The following EDARADD variants were observed in gnomAD, a reference collection of about 807,000 sequenced individuals.
The protein encoded by EDARADD is EDAR associated via death domain.
Under a neutral mutation model 25.6 loss-of-function variants are expected in EDARADD, and 20 were observed. The observed-to-expected ratio is 0.78, with a 90% confidence interval of 0.55 to 1.14. The LOEUF is 1.14. Among genes scored for constraint, EDARADD ranks in the 50% most tolerant of loss-of-function variants. The probability of loss-of-function intolerance (pLI) is 0.00; values close to 1 mark genes in which losing one functional copy is unlikely to be tolerated. For missense variants in EDARADD, 225 were observed against 270.1 expected, an observed-to-expected ratio of 0.83 and a Z score of 1.17; for synonymous variants, 86 against 94.4, an observed-to-expected ratio of 0.91 and a Z score of 0.52.
chr1:236,449,184 C>T (rs771724841), intron 4 of EDARADD, among the ~76,000 whole-genome samples: 2 of 152,156 alleles, frequency 1.3e-5, no homozygotes, highest in Non-Finnish European at 2.9e-5. Flanking sequence ...CCAAATGTCC[C>T]GATTTTATAA....
At chr1:236,364,424 C>T (rs1225279811) in intron 3 of EDARADD, among the ~76,000 whole-genome samples, 1 of 151,996 alleles carries the variant, frequency 6.6e-6, no homozygotes, top group Non-Finnish European at 1.5e-5. Flanking sequence ...TTCTCAATTT[C>T]CACAAAAAAA....
chr1:236,443,208 C>G (rs1658448705), intron 4 of EDARADD, among the ~76,000 whole-genome samples: 1 of 152,160 alleles, frequency 6.6e-6, no homozygotes, highest in African/African-American at 2.4e-5. Flanking sequence ...AATTCCTTTT[C>G]TTTATAAGTT....
At chr1:236,414,383 T>C in intron 3 of EDARADD, 84 bp downstream of exon 3, 2 of 1,129,548 alleles carry the variant, frequency 1.8e-6, no homozygotes, top group Non-Finnish European at 2.7e-6. Context: ...TTTTTCATTA[T>C]TTAAAATTGT....
intron 3 of EDARADD, among the ~76,000 whole-genome samples, chr1:236,351,976 G>T (rs777755504): frequency 6.6e-6 from 1 of 152,050 alleles, no homozygotes; most frequent in Admixed American, 6.6e-5. Flanking sequence ...CTGTCATGGC[G>T]CTGGGGGGTG....
chr1:236,464,136 C>G (rs1659116170), intron 4 of EDARADD, among the ~76,000 whole-genome samples: 1 of 152,200 alleles, frequency 6.6e-6, no homozygotes, highest in Non-Finnish European at 1.5e-5. Context: ...CACTGCCCAC[C>G]TGGTATCAGC....
In EDARADD at chr1:236,482,412, A is replaced by G; in HGVS notation, c.411A>G (p.Lys137=). The change falls in exon 6 of 6, where the codon AAA becomes AAG. Residue 137 remains lysine (K), a synonymous_variant. Coordinates refer to ENST00000334232, the MANE Select transcript of EDARADD (RefSeq NM_145861.4). ...IKLDPCHPTV[K]NWRNFASKWG... ...TGGATCCGTGTCACCCAACGGTGAA[A>G]AACTGGAGGAATTTTGCAAGCAAAT... The G allele has an allele frequency of 6.2e-7, 1 of 1,614,170 alleles. No individual in the cohort carries two copies. The highest frequency in any genetic ancestry group is 1.1e-5 in the South Asian group (1 of 91,086).
At chr1:236,470,051 C>T (rs1464326747) in intron 5 of EDARADD, among the ~76,000 whole-genome samples, 3 of 152,174 alleles carry the variant, frequency 2.0e-5, no homozygotes, top group Non-Finnish European at 4.4e-5. Flanking sequence ...CCCACCTCAG[C>T]CATCCAAAGT....
chr1:236,453,368 C>T (rs1320369285), intron 4 of EDARADD, among the ~76,000 whole-genome samples: 1 of 151,650 alleles, frequency 6.6e-6, no homozygotes, highest in Non-Finnish European at 1.5e-5. Flanking sequence ...CCTCCACCTC[C>T]CAGGTTCAAG....
At chr1:236,413,213 G>A (rs1338320322) in intron 2 of EDARADD, among the ~76,000 whole-genome samples, 6 of 152,166 alleles carry the variant, frequency 3.9e-5, no homozygotes, top group African/African-American at 1.2e-4. Context: ...TGTGTTCCTC[G>A]GTCTTGGGAG....
chr1:236,361,189 T>C (rs1234956769), intron 3 of EDARADD, among the ~76,000 whole-genome samples: 1 of 152,158 alleles, frequency 6.6e-6, no homozygotes, highest in Non-Finnish European at 1.5e-5. Context: ...AAGTCTATCA[T>C]CTCCAATGGT....
chr1:236,457,072 C>G (rs982541979), intron 4 of EDARADD, among the ~76,000 whole-genome samples: 1 of 152,030 alleles, frequency 6.6e-6, no homozygotes, highest in African/African-American at 2.4e-5. Flanking sequence ...GCCTTGAGTA[C>G]TTTTTTTCTA....
At chr1:236,378,058 C>T (rs1667246691) in intron 3 of EDARADD, among the ~76,000 whole-genome samples, 1 of 152,066 alleles carries the variant, frequency 6.6e-6, no homozygotes. Flanking sequence ...CTTTTGTCAG[C>T]CTATGACTCT....
chr1:236,368,444 T>TTC (rs528056632), intron 3 of EDARADD, among the ~76,000 whole-genome samples: 1,962 of 148,832 alleles, frequency 0.013, 35 homozygotes, highest in Non-Finnish European at 0.015. Flanking sequence ...TCTTTTCTTT[T>TTC]TTTTTTTTTT....
At chr1:236,438,234 A>G (rs1658311433) in intron 4 of EDARADD, among the ~76,000 whole-genome samples, 1 of 152,236 alleles carries the variant, frequency 6.6e-6, no homozygotes, top group Non-Finnish European at 1.5e-5. Flanking sequence ...CCCCATTTCA[A>G]AACACAGTCA....
intron 4 of EDARADD, among the ~76,000 whole-genome samples, chr1:236,463,432 T>C (rs1659092559): frequency 6.6e-6 from 1 of 152,182 alleles, no homozygotes; most frequent in Non-Finnish European, 1.5e-5. Flanking sequence ...TAGCTGGGAT[T>C]ACAGGTGCAC....
intron 4 of EDARADD, among the ~76,000 whole-genome samples, chr1:236,443,463 G>A (rs894312573): frequency 6.6e-6 from 1 of 152,150 alleles, no homozygotes; most frequent in Non-Finnish European, 1.5e-5. Context: ...CAACATTTAC[G>A]GGAGTTTGGA....
At chr1:236,448,727 C>T (rs1658631643) in intron 4 of EDARADD, among the ~76,000 whole-genome samples, 2 of 152,182 alleles carry the variant, frequency 1.3e-5, no homozygotes, top group African/African-American at 4.8e-5. Context: ...AAGGAACGCA[C>T]ATTGGGAAAT....
chr1:236,374,870 A>G (rs1329874616), intron 3 of EDARADD, among the ~76,000 whole-genome samples: 1 of 102,032 alleles, frequency 9.8e-6, no homozygotes, highest in African/African-American at 3.8e-5. Flanking sequence ...ATCTCTTTTA[A>G]TTGGTGTATT....
chr1:236,383,386 C>A (rs1415720234), intron 3 of EDARADD, among the ~76,000 whole-genome samples: 24 of 139,488 alleles, frequency 1.7e-4, no homozygotes, highest in African/African-American at 4.9e-4. Flanking sequence ...GACTCCGTCT[C>A]AAAAAAAAAA....
Sources: gnomAD v4.1 joint callset for allele counts (sites outside exome capture counted in the v4.1 genomes callset) on GRCh38, gnomAD v4.1.1 for gene constraint, MANE v1.5 for transcripts, NCBI Gene and HGNC (gene_info 2026-07-23, HGNC 2026-07-21) for gene names.